The following CMTM7 variants were observed in gnomAD, a reference collection of about 807,000 sequenced individuals.
CMTM7 encodes CKLF like MARVEL transmembrane domain containing 7, also known as CKLF-like MARVEL transmembrane domain-containing protein 7.
Under a neutral mutation model 19.3 loss-of-function variants are expected in CMTM7, and 7 were observed. The observed-to-expected ratio is 0.36, with a 90% CI of 0.21 to 0.68. The LOEUF (loss-of-function observed/expected upper bound fraction) is 0.68. Ranked by LOEUF, CMTM7 falls within the 30% of genes least tolerant of loss-of-function variation. CMTM7 has a pLI of 0.60. For synonymous variants in CMTM7, 87 were observed against 99.3 expected, an observed-to-expected ratio of 0.88 and a Z score of 0.74; for missense variants, 193 against 232.6, an observed-to-expected ratio of 0.83 and a Z score of 1.11.
At chr3:32,433,677 A>G (rs1029054232) in intron 1 of CMTM7, among the ~76,000 whole-genome samples, 3 of 152,178 alleles carry the variant, frequency 2.0e-5, no homozygotes, top group Non-Finnish European at 4.4e-5. Flanking sequence ...CAGACCAGTG[A>G]AGGAAGGAGA....
intron 1 of CMTM7, among the ~76,000 whole-genome samples, chr3:32,396,089 A>G (rs1326127746): frequency 1.3e-5 from 2 of 152,242 alleles, no homozygotes; most frequent in Admixed American, 1.3e-4. Flanking sequence ...GAATAGGCAA[A>G]TGCGTAGACA....
At position 32,449,403 on chromosome 3, in the gene CMTM7, G is replaced by A. The variant is rs1230188499; in HGVS notation, c.334-51G>A. 7.8e-7 allele frequency: 1 copy of A among 1,277,524 alleles called. No individual in the cohort carries two copies. Among genetic ancestry groups the A allele is most frequent in the East Asian group, 2.3e-5 (1 of 43,316 alleles). 79.1% of individuals were successfully genotyped at this position (1,277,524 alleles called of 1,614,324 possible). On this transcript the variant is annotated intron_variant, in intron 2 of 4. Coordinates refer to ENST00000334983, the MANE Select transcript of CMTM7 (RefSeq NM_138410.4). This position sits in a 1 kb window ranked among gnomAD's most constrained non-coding sequence, Gnocchi z 4.5. ...TTCTGATGCCCAGTTGCTCTTCCCGGACCAGAAATGGACGGCCCTACCCAC... is the reference window on the plus strand; with the variant it reads ...TTCTGATGCCCAGTTGCTCTTCCCGAACCAGAAATGGACGGCCCTACCCAC...
intron 1 of CMTM7, among the ~76,000 whole-genome samples, chr3:32,421,312 G>A (rs1212005647): frequency 2.0e-5 from 3 of 151,986 alleles, no homozygotes; most frequent in African/African-American, 4.8e-5. Context: ...CCTGGAATCT[G>A]ATCCCCACCC....
intron 2 of CMTM7, among the ~76,000 whole-genome samples, chr3:32,448,463 T>C (rs543091371): frequency 3.3e-5 from 5 of 152,244 alleles, no homozygotes; most frequent in African/African-American, 4.8e-5. Flanking sequence ...TAGATTCTCA[T>C]TGAAGACAAC....
At chr3:32,423,193 C>T (rs1696370910) in intron 1 of CMTM7, among the ~76,000 whole-genome samples, 1 of 152,176 alleles carries the variant, frequency 6.6e-6, no homozygotes, top group Non-Finnish European at 1.5e-5. Context: ...GCCTCTCATC[C>T]TTCTGAGGCC....
intron 1 of CMTM7, among the ~76,000 whole-genome samples, chr3:32,399,144 A>C (rs2125618623): frequency 6.6e-6 from 1 of 152,246 alleles, no homozygotes; most frequent in Non-Finnish European, 1.5e-5. Context: ...GTGAATATAT[A>C]GTCCTTAGTC....
intron 1 of CMTM7, 95 bp downstream of exon 1, chr3:32,392,160 G>A (rs1695845480): frequency 2.2e-6 from 2 of 927,772 alleles, no homozygotes; most frequent in Non-Finnish European, 2.8e-6. Flanking sequence ...GGACCCGGCC[G>A]GAGCCCAGGG....
intron 1 of CMTM7, 125 bp downstream of exon 1, chr3:32,392,190 G>A (rs1413063909): frequency 1.3e-6 from 1 of 766,174 alleles, no homozygotes; most frequent in Non-Finnish European, 1.8e-6. Flanking sequence ...CAGCGGGCGG[G>A]GCACCGCGTC....
chr3:32,419,709 C>T (rs1256172343), intron 1 of CMTM7, among the ~76,000 whole-genome samples: 3 of 152,194 alleles, frequency 2.0e-5, no homozygotes, highest in Non-Finnish European at 4.4e-5. Context: ...CTGAACTACT[C>T]ATGCATTCCT....
intron 1 of CMTM7, among the ~76,000 whole-genome samples, chr3:32,432,908 C>T (rs1384427546): frequency 6.6e-6 from 1 of 152,156 alleles, no homozygotes; most frequent in Non-Finnish European, 1.5e-5. Context: ...TGACCTACTC[C>T]TCCAGGGATT....
chr3:32,392,083 GCGAGGC>G lies in CMTM7; in HGVS notation c.159+24_159+29del, dbSNP rs1409441540. 8.1e-7 allele frequency: 1 copy of G among 1,231,756 alleles called. No homozygotes were observed. The highest frequency in any genetic ancestry group is 1.6e-5 in the African/African-American group (1 of 64,258). 76.3% of individuals were successfully genotyped at this position (1,231,756 alleles called of 1,614,324 possible). A position where few individuals can be genotyped will look rare whatever the true frequency, so the allele number is the denominator to read the frequency against. ...CGCAAATGGTAAGTGAGCGCGGGGC[GCGAGGC>G]CGAGGTTCTACAGGGCGTCCCGGGA... is the stretch of plus-strand genomic sequence containing the variant. On this transcript the variant is annotated intron_variant, in intron 1 of 4. Coordinates refer to ENST00000334983, the MANE Select transcript of CMTM7 (RefSeq NM_138410.4).
At chr3:32,403,187 A>T (rs9856939) in intron 1 of CMTM7, among the ~76,000 whole-genome samples, 23,910 of 151,908 alleles carry the variant, frequency 0.16, 2,087 homozygotes, top group East Asian at 0.28. Context: ...TAGGTGGTTT[A>T]TGTTTTGTTT....
intron 3 of CMTM7, among the ~76,000 whole-genome samples, chr3:32,450,108 C>G (rs1346755975): frequency 6.6e-6 from 1 of 152,056 alleles, no homozygotes; most frequent in Non-Finnish European, 1.5e-5. Context: ...TATATACATA[C>G]ATATATATGT....
chr3:32,454,179 G>A (rs1696876023), intron 4 of CMTM7, 62 bp from the exon 5 acceptor site: 1 of 1,544,676 alleles, frequency 6.5e-7, no homozygotes, highest in Non-Finnish European at 8.8e-7. Flanking sequence ...AACCTGTGGA[G>A]TGTGGCTTGT....
chr3:32,417,821 T>TG (rs71068049), intron 1 of CMTM7, among the ~76,000 whole-genome samples: 50,468 of 151,752 alleles, frequency 0.33, 8,938 homozygotes, highest in South Asian at 0.41. Flanking sequence ...TTGGTTTTTT[T>TG]TTTGTTTGTT....
intron 1 of CMTM7, among the ~76,000 whole-genome samples, chr3:32,433,916 A>G (rs1031904058): frequency 6.6e-6 from 1 of 152,054 alleles, no homozygotes; most frequent in African/African-American, 2.4e-5. Flanking sequence ...GGCTGGGCGC[A>G]GTGGCTCACA....
chr3:32,417,460 A>G (rs1465115430), intron 1 of CMTM7, among the ~76,000 whole-genome samples: 1 of 152,242 alleles, frequency 6.6e-6, no homozygotes, highest in Non-Finnish European at 1.5e-5. Flanking sequence ...TGTGTTCACC[A>G]GTTGAAGGAC....
At chr3:32,393,123 C>T (rs2125615318) in intron 1 of CMTM7, among the ~76,000 whole-genome samples, 1 of 152,234 alleles carries the variant, frequency 6.6e-6, no homozygotes, top group Admixed American at 6.5e-5. Context: ...GGCCTGGCCC[C>T]AGGGGGTTGG....
chr3:32,415,372 G>T (rs1304173157), intron 1 of CMTM7, among the ~76,000 whole-genome samples: 1 of 152,180 alleles, frequency 6.6e-6, no homozygotes, highest in Non-Finnish European at 1.5e-5. Context: ...AAGCAAACCA[G>T]CAGGGACCTG....
Sources: allele counts gnomAD v4.1 joint callset (sites outside exome capture counted in the v4.1 genomes callset), GRCh38; gene constraint gnomAD v4.1.1; non-coding constraint Gnocchi (gnomAD v3.1); transcripts MANE v1.5; gene names NCBI Gene and HGNC (gene_info 2026-07-23, HGNC 2026-07-21).